SMAD4: variants seen among roughly 807,000 people sequenced by gnomAD.
SMAD4 encodes SMAD family member 4.
In SMAD4, 7 loss-of-function variants were observed where a neutral mutation model predicts 63.2. The ratio of observed to expected loss-of-function variants is 0.11; its 90% CI spans 0.06 to 0.21. SMAD4 has a LOEUF of 0.21. Ranked by LOEUF, SMAD4 falls within the 10% of genes least tolerant of loss-of-function variation. The probability of loss-of-function intolerance (pLI) is 1.00; values close to 1 mark genes in which losing one functional copy is unlikely to be tolerated. For synonymous variants in SMAD4, 215 were observed against 235.4 expected (o/e 0.91, Z 0.79); for missense variants, 312 against 693.8 (o/e 0.45, Z 6.18).
chr18:51,053,563 A>G (rs914590071), intron 4 of SMAD4: 1 of 152,180 alleles, frequency 6.6e-6, no homozygotes, highest in South Asian at 2.1e-4. Context: ...TCAGAATATC[A>G]TCTTCATGAC....
chr18:51,046,826 GACTTAACCAGA>G, intron 1 of SMAD4, 83 bp from the exon 2 acceptor site: 1 of 519,580 alleles, frequency 1.9e-6, no homozygotes, highest in Non-Finnish European at 3.4e-6. Flanking sequence ...TTGAATCTCT[GACTTAACCAGA>G]GCAATTTCAT....
In SMAD4 at chr18:51,054,888, A is replaced by G; in HGVS notation, c.562A>G (p.Asn188Asp). Residue 188 changes from asparagine (N) to aspartate (D), a missense_variant, in exon 5 of 12, where the codon AAT becomes GAT. Asn to Asp is a conservative substitution (Grantham distance 23, BLOSUM62 1). This residue lies in a region of SMAD4 where 169 missense variants were observed against 211.0 expected (regional missense o/e 0.80). Transcript: ENST00000342988. The part of the protein sequence containing the change: ...SIQTIQHPPS[N>D]RASTETYSTP... ...TCAAACCATCCAGCATCCACCAAGT[A>G]ATCGTGCATCGACAGAGACATACAG... 6.2e-7 allele frequency: 1 copy of G among 1,614,096 alleles called. No individual in the cohort carries two copies. The highest frequency in any genetic ancestry group is 1.1e-5 in the South Asian group (1 of 91,082).
At position 51,082,568 on chromosome 18, in the gene SMAD4, C is replaced by T. The variant is rs896472681; in HGVS notation, c.*4101C>T. On this transcript the variant is annotated 3_prime_UTR_variant, in exon 12 of 12. Transcript: ENST00000342988. ...GAAGTAAAACGTTTTAATTTTTAGC[C>T]TTTTTTTGGTGGAGTTATTTAATAT... is the stretch of plus-strand genomic sequence containing the variant. 2 of 227,692 alleles carry T rather than the reference C, an allele frequency of 8.8e-6. No individual in the cohort carries two copies. The highest frequency in any genetic ancestry group is 1.7e-5 in the Non-Finnish European group (2 of 114,798). The allele number at this position is 227,692 out of a possible 1,614,324, so 14.1% of individuals were successfully genotyped here.
intron 4 of SMAD4, among the ~76,000 whole-genome samples, chr18:51,050,817 T>G (rs181403130): frequency 6.6e-6 from 1 of 152,196 alleles, no homozygotes; most frequent in Admixed American, 6.5e-5. Flanking sequence ...GAGTATGCAA[T>G]TCTACTTGTT....
rs759288477 is a variant in SMAD4 at position 51,054,892 on chromosome 18, G to T, written c.566G>T (p.Arg189Leu). Residue 189 changes from arginine to leucine, a missense_variant, in exon 5 of 12, where the codon CGT becomes CTT. Transcript: ENST00000342988. ...IQTIQHPPSN[R>L]ASTETYSTPA... is the part of the protein sequence containing the mutation. ...ACCATCCAGCATCCACCAAGTAATC[G>T]TGCATCGACAGAGACATACAGCACC... 6.2e-7 allele frequency: 1 copy of T among 1,614,008 alleles called. No individual in the cohort carries two copies. The highest frequency in any genetic ancestry group is 8.5e-7 in the Non-Finnish European group (1 of 1,179,934).
chr18:51,059,596 T>C (rs974899524), intron 7 of SMAD4, among the ~76,000 whole-genome samples: 2 of 152,242 alleles, frequency 1.3e-5, no homozygotes, highest in Non-Finnish European at 2.9e-5. Flanking sequence ...ATGATCTGTA[T>C]TAAATGTTGG....
At chr18:51,039,788 A>G in intron 1 of SMAD4, among the ~76,000 whole-genome samples, 1 of 152,164 alleles carries the variant, frequency 6.6e-6, no homozygotes. Context: ...TTTAAATAAG[A>G]TCATTTAAAC....
intron 1 of SMAD4, among the ~76,000 whole-genome samples, chr18:51,039,683 A>G (rs963529737): frequency 2.0e-5 from 3 of 152,098 alleles, no homozygotes; most frequent in African/African-American, 4.8e-5. Flanking sequence ...AAATGGAGAA[A>G]TACATGCTGG....
intron 3 of SMAD4, 98 bp downstream of exon 3, chr18:51,048,958 C>G: frequency 2.9e-6 from 3 of 1,050,244 alleles, no homozygotes; most frequent in Non-Finnish European, 4.4e-6. Context: ...TGGAAGATAG[C>G]CCGCGACTTT....
Position 51,081,315 on chromosome 18 carries a change from C to A in SMAD4, c.*2848C>A, listed in dbSNP as rs1910608092. 4.4e-6 allele frequency: 1 copy of A among 228,056 alleles called. No individual in the cohort carries two copies. The highest frequency in any genetic ancestry group is 2.2e-5 in the African/African-American group (1 of 45,026). 14.1% of individuals were successfully genotyped at this position (228,056 alleles called of 1,614,324 possible). On this transcript the variant is annotated 3_prime_UTR_variant, in exon 12 of 12. Transcript: ENST00000342988. ...GTACACCCACCGTAAGACCTCATTC[C>A]ATGTTTGTCCAGTGCCTTTCAGTGC...
At position 51,059,926 on chromosome 18, in the gene SMAD4, T is replaced by C; in HGVS notation, c.955+10T>C. 1.2e-6 allele frequency: 2 copies of C among 1,601,252 alleles called. No individual in the cohort carries two copies. Among genetic ancestry groups the C allele is most frequent in the Non-Finnish European group, 1.7e-6 (2 of 1,169,220 alleles). On this transcript the variant is annotated intron_variant, in intron 8 of 11. Transcript: ENST00000342988. ...ATTTCCAATCATCCTGGTAAGTGTA[T>C]TTCAAAATTGATTTCCTGTATTTAG...
intron 10 of SMAD4, among the ~76,000 whole-genome samples, chr18:51,070,164 A>T (rs951420239): frequency 6.6e-6 from 1 of 152,256 alleles, no homozygotes; most frequent in Non-Finnish European, 1.5e-5. Flanking sequence ...TTGAATATAT[A>T]CTGTGTGCCA....
chr18:51,045,570 C>T (rs573724533), intron 1 of SMAD4, among the ~76,000 whole-genome samples: 4 of 152,058 alleles, frequency 2.6e-5, no homozygotes, highest in Non-Finnish European at 5.9e-5. Context: ...AAATAATTTA[C>T]CCTGCTGCTT....
chr18:51,073,952 A>G (rs958450031), intron 10 of SMAD4, among the ~76,000 whole-genome samples: 9 of 152,168 alleles, frequency 5.9e-5, no homozygotes, highest in African/African-American at 2.2e-4. Flanking sequence ...AGGGTCAGAG[A>G]ATGAGAAGAC....
At chr18:51,056,025 A>G (rs779100192) in intron 5 of SMAD4, among the ~76,000 whole-genome samples, 5 of 152,212 alleles carry the variant, frequency 3.3e-5, no homozygotes, top group Admixed American at 6.5e-5. Flanking sequence ...TTGGTTTGCT[A>G]TCTAAGAGAT....
At position 51,063,425 on chromosome 18, in the gene SMAD4, A is replaced by G. The variant is rs1307562095; in HGVS notation, c.956-1998A>G. ...AGACAATATATATATATTTTTTTAAATTTTTGAGACGGGGTCTCACTCTGT... is the reference window on the plus strand; with the variant it reads ...AGACAATATATATATATTTTTTTAAGTTTTTGAGACGGGGTCTCACTCTGT... On this transcript the variant is annotated intron_variant, in intron 8 of 11. Coordinates refer to ENST00000342988, the MANE Select transcript of SMAD4 (RefSeq NM_005359.6). Among the ~76,000 whole-genome samples the G allele has an allele frequency of 3.3e-5, 5 of 151,324 alleles. 1 individual carries two copies. The highest frequency in any genetic ancestry group is 4.2e-4 in the South Asian group (2 of 4,778).
At chr18:51,039,039 G>A (rs764093133) in intron 1 of SMAD4, among the ~76,000 whole-genome samples, 21 of 152,092 alleles carry the variant, frequency 1.4e-4, no homozygotes, top group African/African-American at 2.7e-4. Context: ...CCTGGGAGGC[G>A]GAGGTTGCAG....
chr18:51,057,586 C>T (rs1354573882), intron 5 of SMAD4, among the ~76,000 whole-genome samples: 2 of 152,184 alleles, frequency 1.3e-5, no homozygotes, highest in African/African-American at 2.4e-5. Flanking sequence ...GACAGCAGAG[C>T]TAGATCTTTT....
rs1187796771 is a variant in SMAD4 at position 51,058,407 on chromosome 18, C to T, written c.855C>T (p.Asn285=). 5.0e-6 allele frequency: 8 copies of T among 1,613,778 alleles called. No individual in the cohort carries two copies. Among genetic ancestry groups the T allele is most frequent in the East Asian group, 2.2e-5 (1 of 44,890 alleles). ...PYTPNLPHHQ[N]GHLQHHPPMP... ...CACCTAATTTGCCTCACCACCAAAA[C>T]GGCCATCTTCAGCACCACCCGCCTA... Residue 285 remains asparagine (N), a synonymous_variant, in exon 7 of 12, where the codon AAC becomes AAT. Transcript: ENST00000342988.
Sources: gnomAD v4.1 joint callset for allele counts (sites outside exome capture counted in the v4.1 genomes callset) on GRCh38, gnomAD v4.1.1 for gene constraint, gnomAD v4.1.1 regional missense constraint, MANE v1.5 for transcripts, NCBI Gene and HGNC (gene_info 2026-07-23, HGNC 2026-07-21) for gene names.